SP140: variants seen among roughly 807,000 people sequenced by gnomAD.
The protein encoded by SP140 is nuclear body protein SP140.
In SP140, 81 loss-of-function variants were observed where a neutral mutation model predicts 125.0. The ratio of observed to expected loss-of-function variants is 0.65; its 90% confidence interval spans 0.54 to 0.78. SP140 has a LOEUF of 0.78. Among genes scored for constraint, SP140 ranks in the 30% least tolerant of loss-of-function variants. SP140 has a pLI of 0.00. For missense variants in SP140, 858 were observed against 1,037.0 expected (o/e 0.83, Z 2.37); for synonymous variants, 312 against 354.0 (o/e 0.88, Z 1.33).
chr2:230,265,067 A>C (rs1271908132), intron 12 of SP140, among the ~76,000 whole-genome samples: 1 of 151,880 alleles, frequency 6.6e-6, no homozygotes, highest in Non-Finnish European at 1.5e-5. Context: ...GCCAGGGTGG[A>C]TAAGGAAGAG....
chr2:230,250,845 C>A, intron 9 of SP140, 136 bp from the exon 10 acceptor site: 1 of 805,556 alleles, frequency 1.2e-6, no homozygotes, highest in Non-Finnish European at 2.0e-6. Flanking sequence ...GCCAGGTGAA[C>A]CCACCTACAG....
chr2:230,250,026 G>A (rs905288346), intron 9 of SP140, among the ~76,000 whole-genome samples: 1 of 152,134 alleles, frequency 6.6e-6, no homozygotes, highest in African/African-American at 2.4e-5. Context: ...ATTTATCCCA[G>A]GACCCTGCCC....
chr2:230,291,339 G>A (rs1186778483), intron 19 of SP140, among the ~76,000 whole-genome samples: 2 of 151,782 alleles, frequency 1.3e-5, no homozygotes, highest in East Asian at 3.9e-4. Context: ...ACTTTTTTTT[G>A]TATAGTCACA....
At chr2:230,312,469 T>C (rs961327523) in intron 26 of SP140, 117 bp from the exon 27 acceptor site, 1 of 640,868 alleles carries the variant, frequency 1.6e-6, no homozygotes, top group South Asian at 2.0e-5. Context: ...CCATTATAAA[T>C]TGTAGACTTA....
At chr2:230,265,790 C>CGG (rs34044277) in intron 12 of SP140, among the ~76,000 whole-genome samples, 69 of 142,628 alleles carry the variant, frequency 4.8e-4, no homozygotes, top group African/African-American at 1.7e-3. Flanking sequence ...CTCAGTTTTA[C>CGG]GGGGGGGGGC....
chr2:230,232,846 C>G (rs1346712481), intron 1 of SP140, among the ~76,000 whole-genome samples: 1 of 152,054 alleles, frequency 6.6e-6, no homozygotes, highest in Non-Finnish European at 1.5e-5. Context: ...TTTTTAACAG[C>G]CTTGAAAGAT....
At chr2:230,305,045 A>C (rs1355897049) in intron 22 of SP140, among the ~76,000 whole-genome samples, 1 of 152,274 alleles carries the variant, frequency 6.6e-6, no homozygotes, top group East Asian at 1.9e-4. Flanking sequence ...CAAGGAACTC[A>C]AAGCAATCAG....
intron 3 of SP140, chr2:230,216,745 G>C (rs375723534): frequency 3.1e-6 from 5 of 1,612,218 alleles, no homozygotes; most frequent in Non-Finnish European, 4.2e-6. Flanking sequence ...TATTGGTGGG[G>C]GCTGGGCTGC....
upstream of SP140, among the ~76,000 whole-genome samples, chr2:230,201,211 GGGTGCAGCCAT>G: frequency 6.6e-6 from 1 of 152,354 alleles, no homozygotes; most frequent in East Asian, 1.9e-4. Flanking sequence ...ATCCACAGTG[GGGTGCAGCCAT>G]CTGAACCCCT....
chr2:230,312,660 T>C lies in SP140; in HGVS notation c.2580T>C (p.Ile860=), dbSNP rs1263206777. 6.2e-7 allele frequency: 1 copy of C among 1,611,772 alleles called. No individual in the cohort carries two copies. The highest frequency in any genetic ancestry group is 8.5e-7 in the Non-Finnish European group (1 of 1,178,322). Residue 860 remains isoleucine (I), a synonymous_variant, in exon 27 of 27, where the codon ATT becomes ATC. Transcript: ENST00000392045. ...AGAATTTCAAGGAAGTGTTTGCTAT[T>C]CAGGAAACAAATGGGAACAATTGAC... is the stretch of plus-strand genomic sequence containing the variant. The part of the protein sequence containing the change: ...FEKNFKEVFA[I]QETNGNN
intron 12 of SP140, among the ~76,000 whole-genome samples, chr2:230,264,596 G>A (rs1368718473): frequency 6.6e-6 from 1 of 152,134 alleles, no homozygotes. Context: ...TTCTCATTTG[G>A]GTAGGCTCTG....
chr2:230,200,825 C>T (rs935791511), upstream of SP140: 5 of 1,250,934 alleles, frequency 4.0e-6, no homozygotes, highest in African/African-American at 7.4e-5. Context: ...CAGTGTAAGA[C>T]AGCTCTGAAT....
intron 15 of SP140, 85 bp downstream of exon 15, chr2:230,270,724 TTC>T (rs2053806014): frequency 1.6e-6 from 2 of 1,289,746 alleles, no homozygotes; most frequent in Admixed American, 1.8e-5. Context: ...TTGTTACTAT[TTC>T]TGTTATTATT....
chr2:230,242,941 C>G (rs965603804), intron 4 of SP140, among the ~76,000 whole-genome samples: 1 of 152,246 alleles, frequency 6.6e-6, no homozygotes, highest in African/African-American at 2.4e-5. Flanking sequence ...TGCACTTCAA[C>G]TAGATGGGAT....
chr2:230,295,491 T>A (rs1251609157), intron 21 of SP140, among the ~76,000 whole-genome samples: 1 of 152,178 alleles, frequency 6.6e-6, no homozygotes, highest in African/African-American at 2.4e-5. Flanking sequence ...GAGCTGGCAA[T>A]TTCCGACTAA....
intron 21 of SP140, among the ~76,000 whole-genome samples, chr2:230,295,644 T>A (rs944541987): frequency 4.0e-4 from 61 of 152,220 alleles, no homozygotes; most frequent in African/African-American, 1.4e-3. Context: ...ATGGGTCCTC[T>A]GTGCCTCTCA....
Position 230,237,101 on chromosome 2 carries a change from G to A in SP140, c.78G>A (p.Gln26=), listed in dbSNP as rs780663112. 1.3e-6 allele frequency: 2 copies of A among 1,594,356 alleles called. No individual in the cohort carries two copies. Among genetic ancestry groups the A allele is most frequent in the Admixed American group, 3.7e-5 (2 of 53,426 alleles). ...NLNFRMVAEI[Q]NVEGQNLQEQ... is the part of the protein sequence containing the mutation. The stretch of plus-strand genomic sequence containing the variant: ...TTCTTAGGATGGTCGCAGAGATCCA[G>A]AACGTAGAGGGTCAGAACCTGCAGG... The change falls in exon 2 of 27, where the codon CAG becomes CAA. Residue 26 remains glutamine (Q), a synonymous_variant. Transcript: ENST00000392045. The surrounding 1 kb of genome is among the most constrained non-coding windows in gnomAD (Gnocchi z 5.4).
chr2:230,268,873 T>C (rs959286671), intron 12 of SP140, among the ~76,000 whole-genome samples: 2 of 152,158 alleles, frequency 1.3e-5, no homozygotes, highest in Non-Finnish European at 2.9e-5. Flanking sequence ...CGGCAGGAAC[T>C]CCAATTTTTG....
At position 230,237,326 on chromosome 2, in the gene SP140, C is replaced by A; in HGVS notation, c.237+66C>A. 6.8e-7 allele frequency: 1 copy of A among 1,475,474 alleles called. No homozygotes were observed. The highest frequency in any genetic ancestry group is 1.8e-5 in the Admixed American group (1 of 54,064). The allele number at this position is 1,475,474 out of a possible 1,614,324, so 91.4% of individuals were successfully genotyped here. A position where few individuals can be genotyped will look rare whatever the true frequency, so the allele number is the denominator to read the frequency against. ...CTCAATTATGCCAAACTTCAAGATG[C>A]AATGAGCAGGCTAAAGGGCCTCCTG... On this transcript the variant is annotated intron_variant, in intron 2 of 26. Coordinates refer to ENST00000392045, the MANE Select transcript of SP140 (RefSeq NM_007237.5). This position sits in a 1 kb window ranked among gnomAD's most constrained non-coding sequence, Gnocchi z 5.4.
Sources: gnomAD v4.1 joint callset for allele counts (sites outside exome capture counted in the v4.1 genomes callset) on GRCh38, gnomAD v4.1.1 for gene constraint, Gnocchi (gnomAD v3.1) non-coding constraint, MANE v1.5 for transcripts, NCBI Gene and HGNC (gene_info 2026-07-23, HGNC 2026-07-21) for gene names.